The following GLRA2 variants were observed in gnomAD, a reference collection of about 807,000 sequenced individuals.
GLRA2 encodes the protein glycine receptor subunit alpha-2.
GLRA2 carries 11 observed loss-of-function variants against 31.6 expected under a neutral mutation model. The ratio of observed to expected loss-of-function variants is 0.35; its 90% CI spans 0.22 to 0.58. GLRA2 has a LOEUF of 0.58. Among genes scored for constraint, GLRA2 ranks in the 20% least tolerant of loss-of-function variants. The pLI, the probability that GLRA2 is intolerant of heterozygous loss-of-function variation, is 0.84. For missense variants in GLRA2, 212 were observed against 351.8 expected, an observed-to-expected ratio of 0.60 and a Z score of 3.18; for synonymous variants, 132 against 134.0, an observed-to-expected ratio of 0.99 and a Z score of 0.10.
intron 2 of GLRA2, among the ~76,000 whole-genome samples, chrX:14,532,583 ATTT>A (rs2089271709): frequency 9.0e-6 from 1 of 111,616 alleles, no homozygotes; most frequent in African/African-American, 3.2e-5. Context: ...TTTGTGTTCT[ATTT>A]CACAAATAAA....
chrX:14,543,586 T>C (rs2089438113), intron 2 of GLRA2, among the ~76,000 whole-genome samples: 1 of 111,410 alleles, frequency 9.0e-6, no homozygotes, highest in Non-Finnish European at 1.9e-5. Context: ...GGTTTGGAGG[T>C]AGCAAATTCA....
intron 2 of GLRA2, among the ~76,000 whole-genome samples, chrX:14,537,907 A>G (rs1253688920): frequency 2.8e-5 from 3 of 108,874 alleles, no homozygotes; most frequent in Non-Finnish European, 5.8e-5. Context: ...AGATTTTTGA[A>G]CATCAAAAAT....
intron 2 of GLRA2, among the ~76,000 whole-genome samples, chrX:14,551,380 T>G (rs2089562188): frequency 8.9e-6 from 1 of 111,853 alleles, no homozygotes; most frequent in Non-Finnish European, 1.9e-5. Flanking sequence ...TCCATAAATA[T>G]TTGATGAATA....
chrX:14,544,109 A>C (rs1569490283), intron 2 of GLRA2, among the ~76,000 whole-genome samples: 1 of 112,057 alleles, frequency 8.9e-6, no homozygotes, highest in Non-Finnish European at 1.9e-5. Context: ...CAACATTAGC[A>C]TTATGATGCC....
intron 2 of GLRA2, among the ~76,000 whole-genome samples, chrX:14,561,658 G>C (rs768448593): frequency 1.6e-4 from 18 of 112,449 alleles, no homozygotes; most frequent in South Asian, 3.6e-4. Flanking sequence ...GTTACAAATA[G>C]AGCTTTTCAA....
intron 3 of GLRA2, among the ~76,000 whole-genome samples, chrX:14,577,096 A>G (rs1326421495): frequency 8.9e-6 from 1 of 112,890 alleles, no homozygotes; most frequent in Non-Finnish European, 1.9e-5. Context: ...CAGACAGTAT[A>G]CCTAAGACTT....
chrX:14,713,027 TGCCAGATAAAC>T (rs2091734025), intron 8 of GLRA2, among the ~76,000 whole-genome samples: 1 of 111,921 alleles, frequency 8.9e-6, no homozygotes, highest in African/African-American at 3.3e-5. Context: ...GGAGTGGTGG[TGCCAGATAAAC>T]AACAGATAAT....
At chrX:14,584,892 A>G (rs192814979) in intron 4 of GLRA2, among the ~76,000 whole-genome samples, 4 of 111,793 alleles carry the variant, frequency 3.6e-5, no homozygotes, top group Non-Finnish European at 7.5e-5. Flanking sequence ...CACTGCTGAA[A>G]TAAAATCAGA....
intron 7 of GLRA2, among the ~76,000 whole-genome samples, chrX:14,683,515 G>C (rs2091240695): frequency 9.0e-6 from 1 of 111,079 alleles, no homozygotes; most frequent in African/African-American, 3.3e-5. Context: ...CACTCTGATG[G>C]TAGTTTCTTT....
the GLRA2 span, among the ~76,000 whole-genome samples, chrX:14,476,843 T>G: frequency 2.7e-5 from 3 of 112,255 alleles, no homozygotes; most frequent in African/African-American, 9.7e-5. Flanking sequence ...TTTTTGCCAT[T>G]GAAAGTAACG....
the GLRA2 span, among the ~76,000 whole-genome samples, chrX:14,508,649 G>C: frequency 2.7e-5 from 3 of 111,904 alleles, no homozygotes; most frequent in African/African-American, 6.5e-5. Context: ...TAAATTGTTT[G>C]AGATTAGGGA....
chrX:14,716,264 A>C (rs1053829615), intron 8 of GLRA2, among the ~76,000 whole-genome samples: 1 of 111,642 alleles, frequency 9.0e-6, no homozygotes, highest in African/African-American at 3.3e-5. Context: ...CAAATGTCCT[A>C]TCTCTTCATT....
chrX:14,616,345 T>A (rs2090454002), intron 7 of GLRA2, among the ~76,000 whole-genome samples: 1 of 111,503 alleles, frequency 9.0e-6, no homozygotes, highest in Non-Finnish European at 1.9e-5. Context: ...TGCAGACGAC[T>A]CTGACAGGTC....
rs2091979788 is a variant in GLRA2, at chrX:14,730,524, T to C, written c.*39T>C. 1.9e-6 allele frequency: 2 copies of C among 1,059,763 alleles called. No homozygotes were observed. Among genetic ancestry groups the C allele is most frequent in the Non-Finnish European group, 1.3e-6 (1 of 769,518 alleles). The allele number at this position is 1,059,763 out of a possible 1,213,427, so 87.3% of individuals were successfully genotyped here. On this transcript the variant is annotated 3_prime_UTR_variant, in exon 9 of 9. Coordinates refer to ENST00000218075, the MANE Select transcript of GLRA2 (RefSeq NM_002063.4). ...ACCCTGGGACCTTCTTGCCTCAGTG[T>C]TGTGCTTGTAAATACACAGTGAAAT...
intron 7 of GLRA2, among the ~76,000 whole-genome samples, chrX:14,683,105 A>G (rs1190072710): frequency 8.9e-6 from 1 of 111,831 alleles, no homozygotes; most frequent in Non-Finnish European, 1.9e-5. Context: ...TTCTAGTTCT[A>G]AATCCTTGAG....
chrX:14,682,687 C>T lies in GLRA2; in HGVS notation c.931-8023C>T, dbSNP rs1256913576. On this transcript the variant is annotated intron_variant, in intron 7 of 8. Transcript: ENST00000218075. ...TTTACATTACGTATATCTCCTAATG[C>T]TTTCCTTTCCCCCTCCCCCCACCCC... 2.8e-5 allele frequency among the ~76,000 whole-genome samples: 3 copies of T among 107,344 alleles called. No homozygotes were observed. In the East Asian group the frequency reaches 8.8e-4, roughly 32 times the overall value. 93.2% of individuals were successfully genotyped at this position (107,344 alleles called of 115,157 possible).
At chrX:14,639,350 T>C (rs2090748839) in intron 7 of GLRA2, among the ~76,000 whole-genome samples, 1 of 111,423 alleles carries the variant, frequency 9.0e-6, no homozygotes, top group Non-Finnish European at 1.9e-5. Context: ...CATCTTGGTA[T>C]GAAGCAGGTG....
At chrX:14,471,133 T>C in the GLRA2 span, among the ~76,000 whole-genome samples, 1 of 112,025 alleles carries the variant, frequency 8.9e-6, no homozygotes, top group Non-Finnish European at 1.9e-5. Context: ...TTTTTAATAA[T>C]TGATGCCAAG....
chrX:14,713,953 G>A (rs1332545649), intron 8 of GLRA2, among the ~76,000 whole-genome samples: 6 of 111,479 alleles, frequency 5.4e-5, no homozygotes, highest in Non-Finnish European at 1.1e-4. Context: ...CTAGAAGCCA[G>A]CAGACCATGT....
Sources: allele counts gnomAD v4.1 joint callset (sites outside exome capture counted in the v4.1 genomes callset), GRCh38; gene constraint gnomAD v4.1.1; transcripts MANE v1.5; gene names NCBI Gene and HGNC (gene_info 2026-07-23, HGNC 2026-07-21).